The following MYT1L variants were observed in gnomAD, a reference collection of about 807,000 sequenced individuals.
MYT1L encodes the protein myelin transcription factor 1-like protein.
MYT1L carries 12 observed loss-of-function variants against 126.7 expected under a neutral mutation model. The observed-to-expected ratio is 0.09, with a 90% CI of 0.06 to 0.15. MYT1L has a LOEUF of 0.15. MYT1L is among the 10% of genes least tolerant of loss of function. MYT1L has a pLI of 1.00. For synonymous variants in MYT1L, 541 were observed against 604.2 expected (o/e 0.90, Z 1.53); for missense variants, 979 against 1,585.2 (o/e 0.62, Z 6.49).
chr2:2,034,045 T>TCCAGACTCCAGACTAAGTAGCTTCGTTA (rs2066725734), intron 4 of MYT1L, among the ~76,000 whole-genome samples: 1 of 152,158 alleles, frequency 6.6e-6, no homozygotes, highest in Admixed American at 6.5e-5. Context: ...CTGGGTTCTC[T>TCCAGACTCCAGACTAAGTAGCTTCGTTA]CCAGACTCCA....
intron 3 of MYT1L, among the ~76,000 whole-genome samples, chr2:2,124,457 G>C (rs932950711): frequency 6.6e-6 from 1 of 151,868 alleles, no homozygotes; most frequent in Admixed American, 6.6e-5. Flanking sequence ...CACCACACCT[G>C]GCTGATTTTG....
chr2:2,189,795 CGTTCTCAGGACCGCACGGGGAGAAGCAGG>C (rs1337646976), intron 2 of MYT1L, among the ~76,000 whole-genome samples: 3 of 149,726 alleles, frequency 2.0e-5, no homozygotes, highest in East Asian at 2.0e-4. Flanking sequence ...GGGAGAAGCT[CGTTCTCAGGACCGCACGGGGAGAAGCAGG>C]GTTCTCAGGA....
At chr2:2,201,392 T>C (rs1229696150) in intron 2 of MYT1L, among the ~76,000 whole-genome samples, 1 of 152,168 alleles carries the variant, frequency 6.6e-6, no homozygotes, top group Non-Finnish European at 1.5e-5. Context: ...CATTAATGGT[T>C]AGGTTCTTTA....
At chr2:2,289,623 A>G (rs1043510803) in intron 1 of MYT1L, among the ~76,000 whole-genome samples, 1 of 152,222 alleles carries the variant, frequency 6.6e-6, no homozygotes, top group Non-Finnish European at 1.5e-5. Flanking sequence ...GAGCCCTTGT[A>G]CCACTGCTTG....
chr2:1,817,961 C>T (rs1231446254), intron 21 of MYT1L, among the ~76,000 whole-genome samples: 11 of 152,298 alleles, frequency 7.2e-5, no homozygotes, highest in African/African-American at 2.4e-4. Flanking sequence ...AGTAGTTAGG[C>T]GGCTGCTCCA....
chr2:2,029,963 T>C (rs1037639858), intron 4 of MYT1L, among the ~76,000 whole-genome samples: 4 of 152,234 alleles, frequency 2.6e-5, no homozygotes, highest in African/African-American at 7.2e-5. Context: ...TACCTTCTTA[T>C]AGAGTTCCAG....
rs766794733 is a variant in MYT1L, at chr2:1,791,201, C to A, written c.*666G>T. The A allele has an allele frequency of 2.1e-6, 1 of 471,036 alleles. No homozygotes were observed. The highest frequency in any genetic ancestry group is 1.6e-5 in the South Asian group (1 of 64,216). 29.2% of individuals were successfully genotyped at this position (471,036 alleles called of 1,614,324 possible). ...CTTATTTCATTTCTTACAGTTAATC[C>A]ATATGCCATTTCCTTGGAATGCAAA... On this transcript the variant is annotated 3_prime_UTR_variant, in exon 25 of 25. Coordinates refer to ENST00000647738, the MANE Select transcript of MYT1L (RefSeq NM_001303052.2). The surrounding 1 kb of genome is among the most constrained non-coding windows in gnomAD (Gnocchi z 6.0).
At chr2:2,014,384 T>C (rs766128231) in intron 4 of MYT1L, among the ~76,000 whole-genome samples, 4 of 152,160 alleles carry the variant, frequency 2.6e-5, no homozygotes, top group Non-Finnish European at 4.4e-5. Context: ...GCAAACGTGA[T>C]AATCCGCCCT....
chr2:1,868,804 G>A (rs1408784700), intron 18 of MYT1L, among the ~76,000 whole-genome samples: 1 of 152,286 alleles, frequency 6.6e-6, no homozygotes, highest in South Asian at 2.1e-4. Flanking sequence ...TGGTTCTACC[G>A]TGTGCAGGAA....
rs183482698 is a variant in MYT1L, at chr2:2,092,575, T to G, written c.-303-38452A>C. Among the ~76,000 whole-genome samples, 3 of 152,304 alleles carry G rather than the reference T, an allele frequency of 2.0e-5. No individual in the cohort carries two copies. The South Asian group carries it at 6.2e-4, about 32-fold the overall frequency. ...AATAGACTTGATTGACGCAGGGTTG[T>G]CACAAACCTGCAATTTATAAAACAT... On this transcript the variant is annotated intron_variant, in intron 3 of 24. Coordinates refer to ENST00000647738, the MANE Select transcript of MYT1L (RefSeq NM_001303052.2).
chr2:2,026,285 G>A (rs961652162), intron 4 of MYT1L, among the ~76,000 whole-genome samples: 1 of 152,184 alleles, frequency 6.6e-6, no homozygotes, highest in African/African-American at 2.4e-5. Flanking sequence ...TGGGTGAGAG[G>A]TTTGCTGGGG....
intron 1 of MYT1L, among the ~76,000 whole-genome samples, chr2:2,285,376 G>A (rs150895539): frequency 1.3e-5 from 2 of 152,326 alleles, no homozygotes; most frequent in African/African-American, 4.8e-5. Flanking sequence ...GCACAGACCA[G>A]GAAGTTTCCC....
chr2:1,817,475 A>C (rs557027561), intron 21 of MYT1L, among the ~76,000 whole-genome samples: 12 of 152,380 alleles, frequency 7.9e-5, no homozygotes, highest in Non-Finnish European at 1.5e-4. Context: ...GTGTTATTTA[A>C]GGAGCAGGAG....
chr2:1,913,981 C>T (rs1276681987), intron 11 of MYT1L, among the ~76,000 whole-genome samples: 3 of 152,170 alleles, frequency 2.0e-5, no homozygotes, highest in South Asian at 2.1e-4. Context: ...CCCTTCCGGG[C>T]GTGGTGGCTC....
At chr2:1,896,839 T>C (rs991772432) in intron 14 of MYT1L, among the ~76,000 whole-genome samples, 4 of 152,222 alleles carry the variant, frequency 2.6e-5, no homozygotes, top group African/African-American at 9.6e-5. Context: ...TGTGACAACA[T>C]TTTACTTGAA....
chr2:1,996,761 C>T (rs547938587), intron 5 of MYT1L, among the ~76,000 whole-genome samples: 48 of 136,150 alleles, frequency 3.5e-4, no homozygotes, highest in East Asian at 1.8e-3. Flanking sequence ...TGCACAGAAC[C>T]GAGTGTAGAC....
intron 11 of MYT1L, among the ~76,000 whole-genome samples, chr2:1,915,700 A>G (rs555447986): frequency 1.1e-4 from 16 of 152,342 alleles, no homozygotes; most frequent in East Asian, 1.9e-4. Flanking sequence ...CCCAGGTTTC[A>G]GAGGAGACAG....
At chr2:1,906,216 TTAAA>T (rs1465085900) in intron 13 of MYT1L, among the ~76,000 whole-genome samples, 1 of 152,238 alleles carries the variant, frequency 6.6e-6, no homozygotes, top group African/African-American at 2.4e-5. Context: ...TATATTTACT[TTAAA>T]TAGTTAGAAT....
intron 3 of MYT1L, among the ~76,000 whole-genome samples, chr2:2,102,110 T>C (rs1322910784): frequency 6.6e-6 from 1 of 152,190 alleles, no homozygotes; most frequent in African/African-American, 2.4e-5. Context: ...TGCAGTCCCC[T>C]ACTTATACCA....
Sources: gnomAD v4.1 joint callset for allele counts (sites outside exome capture counted in the v4.1 genomes callset) on GRCh38, gnomAD v4.1.1 for gene constraint, Gnocchi (gnomAD v3.1) non-coding constraint, MANE v1.5 for transcripts, NCBI Gene and HGNC (gene_info 2026-07-23, HGNC 2026-07-21) for gene names.